FNIP1: variants seen among roughly 807,000 people sequenced by gnomAD.
FNIP1 encodes folliculin-interacting protein 1.
A neutral mutation model predicts 124.5 loss-of-function variants in FNIP1; 40 were observed. The ratio of observed to expected loss-of-function variants is 0.32; its 90% confidence interval spans 0.25 to 0.42. The LOEUF (loss-of-function observed/expected upper bound fraction) is 0.42, where lower values mean the gene tolerates loss of function less well. FNIP1 is among the 10% of genes least tolerant of loss of function. The pLI, the probability that FNIP1 is intolerant of heterozygous loss-of-function variation, is 1.00. For synonymous variants in FNIP1, 472 were observed against 470.6 expected, an observed-to-expected ratio of 1.00 and a Z score of -0.04; for missense variants, 1,176 against 1,403.7, an observed-to-expected ratio of 0.84 and a Z score of 2.59.
intron 12 of FNIP1, 37 bp downstream of exon 12, chr5:131,678,992 C>T: frequency 9.2e-6 from 13 of 1,406,006 alleles, no homozygotes; most frequent in Non-Finnish European, 1.3e-5. Context: ...AGTTTGATTA[C>T]AATCTAGATA....
chr5:131,663,258 G>A (rs964187767), intron 15 of FNIP1, among the ~76,000 whole-genome samples: 3 of 152,132 alleles, frequency 2.0e-5, no homozygotes, highest in South Asian at 2.1e-4. Context: ...GTTAGAAATC[G>A]ACTTAATTAA....
At chr5:131,741,114 C>G (rs1252672009) in intron 2 of FNIP1, among the ~76,000 whole-genome samples, 1 of 152,042 alleles carries the variant, frequency 6.6e-6, no homozygotes, top group Non-Finnish European at 1.5e-5. Context: ...CCTTTACTTT[C>G]TTAATAAACT....
chr5:131,646,992 A>G, intron 17 of FNIP1, 98 bp downstream of exon 17: 1 of 986,908 alleles, frequency 1.0e-6, no homozygotes, highest in Non-Finnish European at 1.6e-6. Flanking sequence ...TTCTAATAGG[A>G]GAAGACACGT....
Position 131,651,952 on chromosome 5 carries a change from A to G in FNIP1, c.3156T>C (p.Ala1052=), listed in dbSNP as rs765020951. ...EPIAEAVCII[A]DMDKWTVQVA... ...CTTGAACAGTCCATTTATCCATGTCAGCTATAATACAGACAGCTTCTGCTA... is the reference window on the plus strand; with the variant it reads ...CTTGAACAGTCCATTTATCCATGTCGGCTATAATACAGACAGCTTCTGCTA... Residue 1052 remains alanine, a synonymous_variant, in exon 16 of 18, where the codon GCT becomes GCC. Coordinates refer to ENST00000510461, the MANE Select transcript of FNIP1 (RefSeq NM_133372.3). 70 of 1,614,012 alleles carry G rather than the reference A, an allele frequency of 4.3e-5. 1 individual carries two copies. In the South Asian group the frequency reaches 6.8e-4, roughly 16 times the overall value.
intron 1 of FNIP1, among the ~76,000 whole-genome samples, chr5:131,753,017 A>G (rs1770931399): frequency 6.6e-6 from 1 of 152,232 alleles, no homozygotes; most frequent in South Asian, 2.1e-4. Context: ...GGTTGCAGTG[A>G]GCCACGATTG....
chr5:131,750,155 G>A lies in FNIP1; in HGVS notation c.93-5465C>T, dbSNP rs139035476. ...TGTGCCAAGGTAAGGGTTTTGATAG[G>A]TATACGGAACAAAAGAAAAGGAAGG... On this transcript the variant is annotated intron_variant, in intron 1 of 17. Transcript: ENST00000510461. Among the ~76,000 whole-genome samples the A allele has an allele frequency of 1.0e-3, 158 of 152,232 alleles. 2 individuals carry two copies. The highest frequency in any genetic ancestry group is 4.4e-5 in the Non-Finnish European group (3 of 68,022).
chr5:131,744,561 C>T lies in FNIP1; in HGVS notation c.219+3G>A, dbSNP rs913974588. On this transcript the variant is annotated splice_donor_region_variant and intron_variant, in intron 2 of 17. Transcript: ENST00000510461. ...AGTCAACCAAATCAATAATGATGCTCACCGATACTGATATGTCCTCATTTC... is the reference window on the plus strand; with the variant it reads ...AGTCAACCAAATCAATAATGATGCTTACCGATACTGATATGTCCTCATTTC... 1.9e-5 allele frequency: 30 copies of T among 1,585,576 alleles called. No individual in the cohort carries two copies. Among genetic ancestry groups the T allele is most frequent in the Non-Finnish European group, 2.4e-5 (28 of 1,165,678 alleles).
intron 1 of FNIP1, among the ~76,000 whole-genome samples, chr5:131,788,626 G>A (rs1253739249): frequency 4.0e-5 from 6 of 151,024 alleles, no homozygotes; most frequent in East Asian, 1.9e-4. Context: ...GCTTGAACCC[G>A]GGAGGCAGAG....
At chr5:131,713,281 C>T (rs1226459751) in intron 6 of FNIP1, among the ~76,000 whole-genome samples, 4 of 152,050 alleles carry the variant, frequency 2.6e-5, no homozygotes, top group Non-Finnish European at 4.4e-5. Context: ...CTCCCGGCCT[C>T]GTGATCTGCC....
intron 13 of FNIP1, among the ~76,000 whole-genome samples, chr5:131,676,739 A>G (rs62383450): frequency 1.7e-4 from 26 of 152,310 alleles, no homozygotes; most frequent in South Asian, 8.3e-4. Context: ...CAGCCTGGGC[A>G]AAAGAGTGAG....
chr5:131,710,793 T>A (rs982782933), intron 6 of FNIP1, 132 bp from the exon 7 acceptor site: 1 of 605,638 alleles, frequency 1.7e-6, no homozygotes, highest in Non-Finnish European at 2.8e-6. Context: ...TTAAACTAAA[T>A]AAGAATTCAA....
chr5:131,693,319 CATATATATATATACATATATATATATAT>C (rs1768559662), intron 11 of FNIP1, among the ~76,000 whole-genome samples: 1 of 41,624 alleles, frequency 2.4e-5, no homozygotes, highest in Non-Finnish European at 5.0e-5. Flanking sequence ...TATATATACA[CATATATATATATACATATATATATATAT>C]ATATATATAT....
At chr5:131,756,769 G>A (rs1272783894) in intron 1 of FNIP1, among the ~76,000 whole-genome samples, 2 of 152,138 alleles carry the variant, frequency 1.3e-5, no homozygotes, top group Admixed American at 1.3e-4. Context: ...ATGTGAGGTG[G>A]GTGGCTTGAA....
intron 1 of FNIP1, among the ~76,000 whole-genome samples, chr5:131,773,390 A>G (rs1466469687): frequency 6.6e-6 from 1 of 152,164 alleles, no homozygotes; most frequent in East Asian, 1.9e-4. Context: ...CTTAACATGC[A>G]ATCTGCTGAC....
chr5:131,746,695 G>A (rs1770694093), intron 1 of FNIP1, among the ~76,000 whole-genome samples: 1 of 152,120 alleles, frequency 6.6e-6, no homozygotes, highest in Admixed American at 6.6e-5. Flanking sequence ...CCCTCCCTAG[G>A]TTGATTCCAT....
chr5:131,780,422 T>G (rs907892251), intron 1 of FNIP1, among the ~76,000 whole-genome samples: 1 of 152,174 alleles, frequency 6.6e-6, no homozygotes, highest in African/African-American at 2.4e-5. Flanking sequence ...CATCTTATTT[T>G]ATTGAACTCC....
chr5:131,778,245 G>C (rs896434092), intron 1 of FNIP1, among the ~76,000 whole-genome samples: 1 of 151,990 alleles, frequency 6.6e-6, no homozygotes, highest in South Asian at 2.1e-4. Context: ...ATTGTCTTGG[G>C]AAACAAACAA....
intron 1 of FNIP1, among the ~76,000 whole-genome samples, chr5:131,771,688 TC>T (rs879568165): frequency 6.6e-6 from 1 of 151,378 alleles, no homozygotes; most frequent in Non-Finnish European, 1.5e-5. Context: ...CCTCTCCCTC[TC>T]CACGTCTACA....
intron 10 of FNIP1, 89 bp from the exon 11 acceptor site, chr5:131,699,091 T>C: frequency 1.2e-6 from 1 of 843,030 alleles, no homozygotes; most frequent in Non-Finnish European, 1.8e-6. Flanking sequence ...GTCACATATT[T>C]ACACAACGCT....
Sources: allele counts gnomAD v4.1 joint callset (sites outside exome capture counted in the v4.1 genomes callset), GRCh38; gene constraint gnomAD v4.1.1; transcripts MANE v1.5; gene names NCBI Gene and HGNC (gene_info 2026-07-23, HGNC 2026-07-21).